The following ZC3H3 variants were observed in gnomAD, a reference collection of about 807,000 sequenced individuals.
ZC3H3 encodes the protein zinc finger CCCH-type containing 3.
Under a neutral mutation model 77.3 loss-of-function variants are expected in ZC3H3, and 36 were observed. That is an observed-to-expected ratio of 0.47 (90% CI 0.36 to 0.61). The LOEUF (loss-of-function observed/expected upper bound fraction) is 0.61. ZC3H3 is among the 20% of genes least tolerant of loss of function. The pLI is 0.00. For synonymous variants in ZC3H3, 626 were observed against 555.2 expected (o/e 1.13, Z -1.79); for missense variants, 1,331 against 1,312.2 (o/e 1.01, Z -0.22).
intron 9 of ZC3H3, among the ~76,000 whole-genome samples, chr8:143,458,092 A>G (rs1326556821): frequency 1.3e-5 from 2 of 152,222 alleles, no homozygotes; most frequent in Non-Finnish European, 1.5e-5. Flanking sequence ...CTCTAGTAAA[A>G]CAGACAATGA....
At chr8:143,446,141 C>T (rs1439024961) in intron 9 of ZC3H3, among the ~76,000 whole-genome samples, 1 of 152,140 alleles carries the variant, frequency 6.6e-6, no homozygotes, top group Non-Finnish European at 1.5e-5. Context: ...CAAAATGAAA[C>T]TGGACCTCAC....
In ZC3H3 at chr8:143,530,133, G is replaced by A. The variant is rs1822555014; in HGVS notation, c.1561+6124C>T. On this transcript the variant is annotated intron_variant, in intron 3 of 11. Transcript: ENST00000262577. This position sits in a 1 kb window ranked among gnomAD's most constrained non-coding sequence, Gnocchi z 4.3. The stretch of plus-strand genomic sequence containing the variant: ...CCGGCCTGGCTCCTGTCAAAGCCTG[G>A]GCAGCCGGCAGGCCTCGACCCAGCC... Among the ~76,000 whole-genome samples the A allele has an allele frequency of 6.6e-6, 1 of 152,160 alleles. No individual in the cohort carries two copies. Among genetic ancestry groups the A allele is most frequent in the Admixed American group, 6.5e-5 (1 of 15,274 alleles).
intron 9 of ZC3H3, among the ~76,000 whole-genome samples, chr8:143,451,874 A>G (rs1819996314): frequency 6.6e-6 from 1 of 152,138 alleles, no homozygotes; most frequent in Non-Finnish European, 1.5e-5. Flanking sequence ...CCAACCTACC[A>G]TCCCTGTACT....
In ZC3H3 at chr8:143,462,201, G is replaced by C. The variant is rs920358594; in HGVS notation, c.2307+3516C>G. ...CCCTGAAGAGTCGCCACGACCCTCT[G>C]AGATAGGCAGTGCCGTTATCCCGAC... On this transcript the variant is annotated intron_variant, in intron 9 of 11. Transcript: ENST00000262577. The surrounding 1 kb of genome is among the most constrained non-coding windows in gnomAD (Gnocchi z 4.7). Among the ~76,000 whole-genome samples the C allele has an allele frequency of 1.3e-5, 2 of 152,146 alleles. No individual in the cohort carries two copies. The highest frequency in any genetic ancestry group is 4.8e-5 in the African/African-American group (2 of 41,434).
chr8:143,495,174 C>T (rs1322089676), intron 4 of ZC3H3, among the ~76,000 whole-genome samples: 1 of 152,166 alleles, frequency 6.6e-6, no homozygotes, highest in Non-Finnish European at 1.5e-5. Context: ...CTGCAAGTGA[C>T]TCAAGTAAAA....
At chr8:143,483,846 T>C (rs1479815089) in intron 4 of ZC3H3, among the ~76,000 whole-genome samples, 5 of 152,198 alleles carry the variant, frequency 3.3e-5, no homozygotes, top group Admixed American at 2.0e-4. Flanking sequence ...CCTGGGGCAG[T>C]AGCTGCTGTT....
In ZC3H3 at chr8:143,476,305, C is replaced by T. The variant is rs1332604793; in HGVS notation, c.1716-720G>A. On this transcript the variant is annotated intron_variant, in intron 4 of 11. Transcript: ENST00000262577. ...CGGGCCAGGCTGTTTGAGGGAAATG[C>T]TGATGTTGCCTCAAGTCCAAGGGCT... Among the ~76,000 whole-genome samples, 2 of 152,186 alleles carry T rather than the reference C, an allele frequency of 1.3e-5. 1 individual carries two copies.
chr8:143,475,374 A>G (rs1327434050), intron 5 of ZC3H3, 24 bp downstream of exon 5: 7 of 1,599,812 alleles, frequency 4.4e-6, no homozygotes, highest in Non-Finnish European at 6.0e-6. Flanking sequence ...GTCATCTCCC[A>G]GCGCCCCCGC....
intron 3 of ZC3H3, among the ~76,000 whole-genome samples, chr8:143,521,079 G>A (rs1365672788): frequency 1.3e-5 from 2 of 152,248 alleles, no homozygotes; most frequent in Admixed American, 6.5e-5. Flanking sequence ...CAGACCCTGG[G>A]AGGGGCAGGC....
intron 4 of ZC3H3, among the ~76,000 whole-genome samples, chr8:143,498,781 G>A (rs1334108274): frequency 7.6e-6 from 1 of 132,448 alleles, no homozygotes; most frequent in Non-Finnish European, 1.6e-5. Flanking sequence ...GCACAGGGCA[G>A]GGCAGGGGGT....
In ZC3H3 at chr8:143,460,151, G is replaced by A. The variant is rs1189981245; in HGVS notation, c.2307+5566C>T. 6.6e-6 allele frequency among the ~76,000 whole-genome samples: 1 copy of A among 151,994 alleles called. No homozygotes were observed. Among genetic ancestry groups the A allele is most frequent in the African/African-American group, 2.4e-5 (1 of 41,366 alleles). ...TAGTCCCAGCTACTTGGGAGGCTGA[G>A]GCAGGAGAATCACTCGAACCCGGGA... On this transcript the variant is annotated intron_variant, in intron 9 of 11. Transcript: ENST00000262577. This position sits in a 1 kb window ranked among gnomAD's most constrained non-coding sequence, Gnocchi z 4.0.
intron 3 of ZC3H3, among the ~76,000 whole-genome samples, chr8:143,519,274 T>C (rs537520377): frequency 1.3e-5 from 2 of 152,128 alleles, no homozygotes; most frequent in Non-Finnish European, 1.5e-5. Flanking sequence ...TCCCCCTAAC[T>C]AGACTCCTGG....
At chr8:143,499,470 G>A (rs1318299789) in intron 4 of ZC3H3, among the ~76,000 whole-genome samples, 4 of 152,188 alleles carry the variant, frequency 2.6e-5, no homozygotes, top group South Asian at 2.1e-4. Context: ...GCGCCCAGCC[G>A]GTGTTCAGTG....
At chr8:143,457,119 CCAA>C (rs1206876753) in intron 9 of ZC3H3, among the ~76,000 whole-genome samples, 7 of 152,086 alleles carry the variant, frequency 4.6e-5, no homozygotes, top group African/African-American at 1.4e-4. Context: ...TTACAGAGCA[CCAA>C]CAACAGTGGG....
Position 143,502,289 on chromosome 8 carries a change from G to A in ZC3H3, c.1715+5457C>T, listed in dbSNP as rs539319417. The stretch of plus-strand genomic sequence containing the variant: ...CAAACCAGAAGACGGGCAGGAGGTG[G>A]GGCAGGGTGGCTGGCGTCCCAGGAG... On this transcript the variant is annotated intron_variant, in intron 4 of 11. Transcript: ENST00000262577. Among the ~76,000 whole-genome samples, 3 of 152,380 alleles carry A rather than the reference G, an allele frequency of 2.0e-5. No individual in the cohort carries two copies. In the East Asian group the frequency reaches 5.8e-4, roughly 29 times the overall value.
chr8:143,470,558 C>T (rs1046930165), intron 5 of ZC3H3, among the ~76,000 whole-genome samples: 22 of 152,300 alleles, frequency 1.4e-4, no homozygotes, highest in African/African-American at 4.8e-4. Flanking sequence ...GGCAATGCGG[C>T]GGTCTGTCGG....
Position 143,440,164 on chromosome 8 carries a change from A to G in ZC3H3, c.2692T>C (p.Leu898=). 2 of 1,612,104 alleles carry G rather than the reference A, an allele frequency of 1.2e-6. No individual in the cohort carries two copies. Among genetic ancestry groups the G allele is most frequent in the African/African-American group, 1.3e-5 (1 of 75,038 alleles). ...AGCCTGTTGGAGCACGCTGCTGCTA[A>G]GGCAGCCTCCTGGAGAGATGGTGCC... ...HEAPSLQEAA[L]AAACSNRLCK... The change falls in exon 11 of 12, where the codon TTA becomes CTA. Residue 898 remains leucine (L), a synonymous_variant. Transcript: ENST00000262577.
intron 3 of ZC3H3, among the ~76,000 whole-genome samples, chr8:143,531,100 C>T (rs988056682): frequency 8.6e-5 from 13 of 152,034 alleles, no homozygotes; most frequent in Admixed American, 2.6e-4. Flanking sequence ...GCTGGGACTA[C>T]AGGCGTGTGC....
chr8:143,523,961 C>G (rs1040491890), intron 3 of ZC3H3, among the ~76,000 whole-genome samples: 3 of 152,230 alleles, frequency 2.0e-5, no homozygotes, highest in African/African-American at 7.2e-5. Context: ...GCCAGCCAAG[C>G]CCCCGGGGCA....
Sources: allele counts gnomAD v4.1 joint callset (sites outside exome capture counted in the v4.1 genomes callset), GRCh38; gene constraint gnomAD v4.1.1; non-coding constraint Gnocchi (gnomAD v3.1); transcripts MANE v1.5; gene names NCBI Gene and HGNC (gene_info 2026-07-23, HGNC 2026-07-21).